The following ATXN1 variants were observed in gnomAD, a reference collection of about 807,000 sequenced individuals.
ATXN1 encodes the protein ataxin-1.
Under a neutral mutation model 56.4 loss-of-function variants are expected in ATXN1, and 8 were observed. That is an observed-to-expected ratio of 0.14 (90% CI 0.08 to 0.26). The LOEUF (loss-of-function observed/expected upper bound fraction) is 0.26, where lower values mean the gene tolerates loss of function less well. Ranked by LOEUF, ATXN1 falls within the 10% of genes least tolerant of loss-of-function variation. ATXN1 has a pLI of 1.00. For synonymous variants in ATXN1, 514 were observed against 494.6 expected, an observed-to-expected ratio of 1.04 and a Z score of -0.52; for missense variants, 987 against 1,106.5, an observed-to-expected ratio of 0.89 and a Z score of 1.53.
intron 1 of ATXN1, among the ~76,000 whole-genome samples, chr6:16,757,534 C>T (rs1760922762): frequency 6.6e-6 from 1 of 152,128 alleles, no homozygotes; most frequent in Admixed American, 6.5e-5. Flanking sequence ...TCTGACCAGG[C>T]CACAATGAAT....
At chr6:16,620,468 G>GTC (rs3831515) in intron 3 of ATXN1, among the ~76,000 whole-genome samples, 12 of 150,562 alleles carry the variant, frequency 8.0e-5, no homozygotes, top group Non-Finnish European at 1.2e-4. Context: ...AAATTTCTCT[G>GTC]TCTCTCTCTC....
intron 2 of ATXN1, among the ~76,000 whole-genome samples, chr6:16,708,378 T>C (rs1759450289): frequency 3.4e-5 from 1 of 29,800 alleles, no homozygotes; most frequent in South Asian, 1.3e-3. Context: ...AAAGGGAAGC[T>C]TAAAAATTCC....
chr6:16,646,897 C>A (rs1413984033), intron 3 of ATXN1, among the ~76,000 whole-genome samples: 1 of 152,238 alleles, frequency 6.6e-6, no homozygotes, highest in Admixed American at 6.5e-5. Flanking sequence ...TTACCACAAA[C>A]TGAGTAACTA....
chr6:16,698,532 G>A (rs2031185), intron 2 of ATXN1, among the ~76,000 whole-genome samples: 110,842 of 151,956 alleles, frequency 0.73, 41,166 homozygotes, highest in African/African-American at 0.89. Context: ...TTTCCACAGT[G>A]TATGGTTTAA....
intron 2 of ATXN1, among the ~76,000 whole-genome samples, chr6:16,728,550 G>A (rs969415312): frequency 3.9e-5 from 6 of 152,182 alleles, no homozygotes; most frequent in Non-Finnish European, 7.3e-5. Context: ...TCACCCATAT[G>A]CCTGGTATTT....
rs144511159 is a variant in ATXN1, at chr6:16,304,160, T to TTGA, written c.*2166_*2168dup. On this transcript the variant is annotated 3_prime_UTR_variant, in exon 8 of 8. Transcript: ENST00000436367. ...GAATACTAGACAGCCAAAATGTGGG[T>TTGA]TGATACCAGATTTTTTTTTTAATTT... 1 of 152,664 alleles carries TTGA rather than the reference T, an allele frequency of 6.6e-6. No individual in the cohort carries two copies. Among genetic ancestry groups the TTGA allele is most frequent in the East Asian group, 1.9e-4 (1 of 5,186 alleles). The allele number at this position is 152,664 out of a possible 1,614,324, so 9.5% of individuals were successfully genotyped here.
chr6:16,302,075 C>T lies in ATXN1; in HGVS notation c.*4254G>A. On this transcript the variant is annotated 3_prime_UTR_variant, in exon 8 of 8. Transcript: ENST00000436367. ...GGAGCTACTGTTCATCTTGAACATG[C>T]AGCATTATATTGCAATCTATGCGGT... 6.5e-6 allele frequency: 1 copy of T among 152,672 alleles called. No homozygotes were observed. Among genetic ancestry groups the T allele is most frequent in the East Asian group, 1.9e-4 (1 of 5,206 alleles). The allele number at this position is 152,672 out of a possible 1,614,324, so 9.5% of individuals were successfully genotyped here.
chr6:16,395,576 G>A (rs893263293), intron 6 of ATXN1, among the ~76,000 whole-genome samples: 2 of 152,186 alleles, frequency 1.3e-5, no homozygotes, highest in Non-Finnish European at 2.9e-5. Flanking sequence ...ACGTCCTGCA[G>A]TGCCAGTCCT....
chr6:16,478,053 G>A (rs1011822942), intron 6 of ATXN1, among the ~76,000 whole-genome samples: 30 of 152,274 alleles, frequency 2.0e-4, no homozygotes, highest in Middle Eastern at 3.4e-3. Context: ...GACAACTGGC[G>A]TCACTGCGGA....
chr6:16,699,109 C>G (rs566321014), intron 2 of ATXN1, among the ~76,000 whole-genome samples: 1 of 152,298 alleles, frequency 6.6e-6, no homozygotes, highest in Admixed American at 6.5e-5. Flanking sequence ...TGTGGGGCTA[C>G]AGTTCATCTG....
In ATXN1 at chr6:16,652,451, A is replaced by T. The variant is rs180963290; in HGVS notation, c.-489+5325T>A. The stretch of plus-strand genomic sequence containing the variant: ...AATCATTTTTTTCTGTTTTCCTACC[A>T]TGGATGGTTACTTGCAAGGAAATAG... On this transcript the variant is annotated intron_variant, in intron 3 of 7. Coordinates refer to ENST00000436367, the MANE Select transcript of ATXN1 (RefSeq NM_001128164.2). Among the ~76,000 whole-genome samples, 604 of 152,306 alleles carry T rather than the reference A, an allele frequency of 4.0e-3. 2 individuals are homozygous for T. The highest frequency in any genetic ancestry group is 5.8e-3 in the Non-Finnish European group (394 of 68,012).
intron 2 of ATXN1, among the ~76,000 whole-genome samples, chr6:16,661,164 T>C (rs989267756): frequency 3.3e-5 from 5 of 152,150 alleles, no homozygotes; most frequent in Non-Finnish European, 7.4e-5. Flanking sequence ...AATCAATAAA[T>C]AGTGCTGGGA....
intron 6 of ATXN1, among the ~76,000 whole-genome samples, chr6:16,356,104 T>C (rs532385682): frequency 5.7e-4 from 87 of 152,354 alleles, no homozygotes; most frequent in African/African-American, 1.9e-3. Flanking sequence ...TGCTCACATC[T>C]GTGAAGTTTA....
intron 3 of ATXN1, among the ~76,000 whole-genome samples, chr6:16,651,233 T>C (rs1763886887): frequency 6.6e-6 from 1 of 151,762 alleles, no homozygotes; most frequent in Admixed American, 6.6e-5. Flanking sequence ...GAAGAGTGGG[T>C]AAACTATCAT....
At chr6:16,702,015 C>T (rs1053143456) in intron 2 of ATXN1, among the ~76,000 whole-genome samples, 64 of 152,044 alleles carry the variant, frequency 4.2e-4, no homozygotes, top group African/African-American at 1.5e-3. Context: ...AAAAAAGAGC[C>T]CACATTGCCA....
chr6:16,426,397 C>A (rs1759155449), intron 6 of ATXN1, among the ~76,000 whole-genome samples: 2 of 151,894 alleles, frequency 1.3e-5, no homozygotes, highest in Non-Finnish European at 2.9e-5. Context: ...GCTACCCTGG[C>A]CAAAGGAAAA....
intron 3 of ATXN1, among the ~76,000 whole-genome samples, chr6:16,623,387 T>C (rs1194912418): frequency 6.6e-6 from 1 of 152,220 alleles, no homozygotes; most frequent in African/African-American, 2.4e-5. Context: ...TACTGGGAAC[T>C]CCAGATCTCA....
At chr6:16,383,732 C>T (rs1198712320) in intron 6 of ATXN1, among the ~76,000 whole-genome samples, 6 of 152,120 alleles carry the variant, frequency 3.9e-5, no homozygotes, top group Non-Finnish European at 7.4e-5. Flanking sequence ...AATGGAGGAA[C>T]GAGGACATTA....
Position 16,302,445 on chromosome 6 carries a change from A to G in ATXN1, c.*3884T>C, listed in dbSNP as rs1055606986. On this transcript the variant is annotated 3_prime_UTR_variant, in exon 8 of 8. Coordinates refer to ENST00000436367, the MANE Select transcript of ATXN1 (RefSeq NM_001128164.2). ...GAAAACGAAAAGTTGACCAACATAGAAAATTATCCTGAAAGTCCAAATGAA... is the reference window on the plus strand; with the variant it reads ...GAAAACGAAAAGTTGACCAACATAGGAAATTATCCTGAAAGTCCAAATGAA... 6.6e-6 allele frequency: 1 copy of G among 152,668 alleles called. No individual in the cohort carries two copies. The highest frequency in any genetic ancestry group is 2.4e-5 in the African/African-American group (1 of 41,458). The allele number at this position is 152,668 out of a possible 1,614,324, so 9.5% of individuals were successfully genotyped here.
Sources: gnomAD v4.1 joint callset for allele counts (sites outside exome capture counted in the v4.1 genomes callset) on GRCh38, gnomAD v4.1.1 for gene constraint, MANE v1.5 for transcripts, NCBI Gene and HGNC (gene_info 2026-07-23, HGNC 2026-07-21) for gene names.